WTIP: variants seen among roughly 807,000 people sequenced by gnomAD.
WTIP encodes the protein Wilms tumor protein 1-interacting protein.
Under a neutral mutation model 41.7 loss-of-function variants are expected in WTIP, and 23 were observed. The ratio of observed to expected loss-of-function variants is 0.55; its 90% CI spans 0.40 to 0.78. The LOEUF is 0.78. WTIP is among the 30% of genes least tolerant of loss of function. The pLI is 0.00. For synonymous variants in WTIP, 314 were observed against 269.9 expected, an observed-to-expected ratio of 1.16 and a Z score of -1.60; for missense variants, 619 against 610.5, an observed-to-expected ratio of 1.01 and a Z score of -0.15.
intron 7 of WTIP, among the ~76,000 whole-genome samples, 184 bp downstream of exon 7, chr19:34,495,955 G>A (rs1167393483): frequency 2.0e-5 from 3 of 152,046 alleles, no homozygotes; most frequent in Non-Finnish European, 2.9e-5. Context: ...TCAGGAGTTC[G>A]AGACCAGCCT....
Position 34,493,686 on chromosome 19 carries a change from ATT to A in WTIP, c.1031+70_1031+71del. On this transcript the variant is annotated intron_variant, in intron 5 of 7. Coordinates refer to ENST00000590071, the MANE Select transcript of WTIP (RefSeq NM_001080436.2). This position sits in a 1 kb window ranked among gnomAD's most constrained non-coding sequence, Gnocchi z 4.1. Reference sequence around the variant, plus strand: ...CGTCCTCCCTGGCTCCTCTGGAAGCATTTTTTTCCTGCTGGACTGACTGCCCT... The same window carrying A: ...CGTCCTCCCTGGCTCCTCTGGAAGCATTTTTCCTGCTGGACTGACTGCCCT... 1 of 1,603,184 alleles carries A rather than the reference ATT, an allele frequency of 6.2e-7. No homozygotes were observed. The highest frequency in any genetic ancestry group is 8.5e-7 in the Non-Finnish European group (1 of 1,174,222).
At chr19:34,488,928 T>G (rs966395243) in intron 1 of WTIP, among the ~76,000 whole-genome samples, 1 of 142,370 alleles carries the variant, frequency 7.0e-6, no homozygotes, top group African/African-American at 2.6e-5. Flanking sequence ...CCGGGAGCAG[T>G]GGCTCACACC....
rs2075912781 is a variant in WTIP at position 34,506,718 on chromosome 19, C to G, written c.*6449C>G. ...GAGGTTGCAGTGAGCCGAGTTCACACCACTGCACTCCAGCCTGGGTGACAG... is the reference window on the plus strand; with the variant it reads ...GAGGTTGCAGTGAGCCGAGTTCACAGCACTGCACTCCAGCCTGGGTGACAG... On this transcript the variant is annotated 3_prime_UTR_variant, in exon 8 of 8. Coordinates refer to ENST00000590071, the MANE Select transcript of WTIP (RefSeq NM_001080436.2). 6.6e-6 allele frequency: 1 copy of G among 151,974 alleles called. No homozygotes were observed. The highest frequency in any genetic ancestry group is 6.6e-5 in the Admixed American group (1 of 15,250). The allele number at this position is 151,974 out of a possible 1,614,324, so 9.4% of individuals were successfully genotyped here. A position where few individuals can be genotyped will look rare whatever the true frequency, so the allele number is the denominator to read the frequency against.
chr19:34,500,298 G>T lies in WTIP; in HGVS notation c.*29G>T, dbSNP rs1209401304. 1.3e-6 allele frequency: 2 copies of T among 1,566,792 alleles called. No homozygotes were observed. The highest frequency in any genetic ancestry group is 1.8e-5 in the Admixed American group (1 of 55,920). On this transcript the variant is annotated 3_prime_UTR_variant, in exon 8 of 8. Coordinates refer to ENST00000590071, the MANE Select transcript of WTIP (RefSeq NM_001080436.2). Reference sequence around the variant, plus strand: ...GGGGAAAACCCGTCCCTGGGCCGGGGTGGGTGTGGGTGTGGAGGGAGGGCC... The same window carrying T: ...GGGGAAAACCCGTCCCTGGGCCGGGTTGGGTGTGGGTGTGGAGGGAGGGCC...
At chr19:34,491,743 C>G (rs2075826370) in intron 2 of WTIP, among the ~76,000 whole-genome samples, 1 of 152,092 alleles carries the variant, frequency 6.6e-6, no homozygotes, top group Non-Finnish European at 1.5e-5. Context: ...GTCCCAGTTT[C>G]AAGTGATTCG....
chr19:34,481,903 TGCGGCGGCCCGGCCGGAGCG>T lies in WTIP; in HGVS notation c.-64_-45del. On this transcript the variant is annotated 5_prime_UTR_variant, in exon 1 of 8. An upstream open reading frame in the 5' UTR loses its in-frame stop. Transcript: ENST00000590071. ...CGGGCTCCGGGCTTCGGGCGGACGATGCGGCGGCCCGGCCGGAGCGGCGGCGGGAAGCGGAGGCGGAGGTG... is the reference window on the plus strand; with the variant it reads ...CGGGCTCCGGGCTTCGGGCGGACGATGCGGCGGGAAGCGGAGGCGGAGGTG... 1.1e-6 allele frequency: 1 copy of T among 916,554 alleles called. No individual in the cohort carries two copies. The highest frequency in any genetic ancestry group is 1.3e-6 in the Non-Finnish European group (1 of 769,376). 56.8% of individuals were successfully genotyped at this position (916,554 alleles called of 1,614,324 possible).
rs947211210 is a variant in WTIP at position 34,507,394 on chromosome 19, C to T, written c.*7125C>T. The T allele has an allele frequency of 7.1e-6, 1 of 141,104 alleles. No homozygotes were observed. The highest frequency in any genetic ancestry group is 2.7e-5 in the African/African-American group (1 of 37,020). The allele number at this position is 141,104 out of a possible 1,614,324, so 8.7% of individuals were successfully genotyped here. ...AAGATGAATGGCTCATATTTGGGTG[C>T]AGTATTTGATGCCCAAAAGAACAAA... On this transcript the variant is annotated 3_prime_UTR_variant, in exon 8 of 8. Transcript: ENST00000590071.
At chr19:34,499,929 C>G (rs1389333623) in intron 7 of WTIP, among the ~76,000 whole-genome samples, 200 bp from the exon 8 acceptor site, 2 of 152,076 alleles carry the variant, frequency 1.3e-5, no homozygotes, top group African/African-American at 4.8e-5. Context: ...GAACTCCTGA[C>G]CGAAGCGATG....
chr19:34,487,140 C>T (rs111793976), intron 1 of WTIP, among the ~76,000 whole-genome samples: 1 of 143,042 alleles, frequency 7.0e-6, no homozygotes, highest in African/African-American at 2.7e-5. Flanking sequence ...AGTCTTGCTC[C>T]GTCACCCAGG....
rs2075768596 is a variant in WTIP at position 34,481,956 on chromosome 19, A to G, written c.-19A>G. ...GAAGCGGAGGCGGAGGTGACGCGCC[A>G]GGGCCGGCGGGCCGGGCCATGCAGC... is the stretch of plus-strand genomic sequence containing the variant. On this transcript the variant is annotated 5_prime_UTR_variant, in exon 1 of 8. Coordinates refer to ENST00000590071, the MANE Select transcript of WTIP (RefSeq NM_001080436.2). 2 of 997,942 alleles carry G rather than the reference A, an allele frequency of 2.0e-6. No individual in the cohort carries two copies. Among genetic ancestry groups the G allele is most frequent in the Non-Finnish European group, 2.4e-6 (2 of 839,886 alleles). 61.8% of individuals were successfully genotyped at this position (997,942 alleles called of 1,614,324 possible). A position where few individuals can be genotyped will look rare whatever the true frequency, so the allele number is the denominator to read the frequency against.
rs189248905 is a variant in WTIP, at chr19:34,491,336, T to A, written c.769+859T>A. 2.0e-4 allele frequency among the ~76,000 whole-genome samples: 30 copies of A among 152,104 alleles called. No individual in the cohort carries two copies. In the East Asian group the frequency reaches 2.5e-3, roughly 13 times the overall value. ...ACGTTTTTTAATTTTAATTTTATAT[T>A]TTTTTTTTGAGACAGTCTCGCTCTA... is the stretch of plus-strand genomic sequence containing the variant. On this transcript the variant is annotated intron_variant, in intron 2 of 7. Coordinates refer to ENST00000590071, the MANE Select transcript of WTIP (RefSeq NM_001080436.2).
intron 2 of WTIP, among the ~76,000 whole-genome samples, chr19:34,491,544 G>A (rs547127716): frequency 6.6e-6 from 1 of 151,704 alleles, no homozygotes; most frequent in Non-Finnish European, 1.5e-5. Context: ...GGATGGTCTC[G>A]ATCTCCTGAC....
At chr19:34,495,668 T>C (rs560099177) in intron 6 of WTIP, 35 bp from the exon 7 acceptor site, 1 of 1,611,632 alleles carries the variant, frequency 6.2e-7, no homozygotes, top group Non-Finnish European at 8.5e-7. Flanking sequence ...AGTCCCCACA[T>C]GCTCATCGTG....
chr19:34,482,207 T>C lies in WTIP; in HGVS notation c.233T>C (p.Val78Ala), dbSNP rs2075770707. The change falls in exon 1 of 8, where the codon GTT (valine) becomes GCT (alanine). Residue 78 changes from valine to alanine, a missense_variant. By Grantham distance (64) the Val-to-Ala change is moderately conservative. This residue lies in a region of WTIP where 363 missense variants were observed against 309.0 expected (regional missense o/e 1.17). Coordinates refer to ENST00000590071, the MANE Select transcript of WTIP (RefSeq NM_001080436.2). ...GAGCGGGGTCCCCGGCGCGCGGCGG[T>C]TCCGGAGCTCAGCGCGCAGCCTGCG... Reference protein sequence around the residue: ...RGERGPRRAAVPELSAQPAGS... With the variant: ...RGERGPRRAAAPELSAQPAGS... 2 of 1,131,364 alleles carry C rather than the reference T, an allele frequency of 1.8e-6. No individual in the cohort carries two copies. Among genetic ancestry groups the C allele is most frequent in the Non-Finnish European group, 2.2e-6 (2 of 926,926 alleles). 70.1% of individuals were successfully genotyped at this position (1,131,364 alleles called of 1,614,324 possible).
chr19:34,490,562 T>C, intron 2 of WTIP, 85 bp downstream of exon 2: 1 of 1,318,966 alleles, frequency 7.6e-7, no homozygotes, highest in Non-Finnish European at 1.1e-6. Context: ...TGCCCCTGAG[T>C]CCAGGCAGAT....
At position 34,507,143 on chromosome 19, in the gene WTIP, G is replaced by A. The variant is rs1362737008; in HGVS notation, c.*6874G>A. On this transcript the variant is annotated 3_prime_UTR_variant, in exon 8 of 8. Transcript: ENST00000590071. Reference sequence around the variant, plus strand: ...GGAGGCTGAGGCAGAAGAAGCGCTTGAACCCGGGAGGCGGAGGTTGCAGTC... The same window carrying A: ...GGAGGCTGAGGCAGAAGAAGCGCTTAAACCCGGGAGGCGGAGGTTGCAGTC... 6.7e-6 allele frequency: 1 copy of A among 149,936 alleles called. No individual in the cohort carries two copies. Among genetic ancestry groups the A allele is most frequent in the Non-Finnish European group, 1.5e-5 (1 of 67,848 alleles). The allele number at this position is 149,936 out of a possible 1,614,324, so 9.3% of individuals were successfully genotyped here.
At position 34,510,413 on chromosome 19, in the gene WTIP, G is replaced by A; in HGVS notation, c.*10144G>A. The A allele has an allele frequency of 6.6e-6, 1 of 152,300 alleles. No homozygotes were observed. Among genetic ancestry groups the A allele is most frequent in the African/African-American group, 2.4e-5 (1 of 41,460 alleles). The allele number at this position is 152,300 out of a possible 1,614,324, so 9.4% of individuals were successfully genotyped here. A position where few individuals can be genotyped will look rare whatever the true frequency, so the allele number is the denominator to read the frequency against. ...TTTTAGCAATGGCTGGAGTGGCTGGGACACAAGGCAGCAAGTCCTAGGCTG... is the reference window on the plus strand; with the variant it reads ...TTTTAGCAATGGCTGGAGTGGCTGGAACACAAGGCAGCAAGTCCTAGGCTG... On this transcript the variant is annotated 3_prime_UTR_variant, in exon 8 of 8. Transcript: ENST00000590071.
At chr19:34,487,565 G>C (rs1474493533) in intron 1 of WTIP, among the ~76,000 whole-genome samples, 1 of 152,142 alleles carries the variant, frequency 6.6e-6, no homozygotes, top group Non-Finnish European at 1.5e-5. Context: ...AGAGGAAGAG[G>C]TGGGCCACCC....
chr19:34,484,476 C>G (rs969783202), intron 1 of WTIP, among the ~76,000 whole-genome samples: 5 of 152,046 alleles, frequency 3.3e-5, no homozygotes, highest in Non-Finnish European at 7.4e-5. Context: ...GGGCAGGTCT[C>G]GTGGCGCCTG....
Sources: allele counts gnomAD v4.1 joint callset (sites outside exome capture counted in the v4.1 genomes callset), GRCh38; gene constraint gnomAD v4.1.1; regional missense constraint gnomAD v4.1.1; non-coding constraint Gnocchi (gnomAD v3.1); transcripts MANE v1.5; gene names NCBI Gene and HGNC (gene_info 2026-07-23, HGNC 2026-07-21).